Variants in POU1F1 observed in about 807,000 individuals in gnomAD.
POU1F1 encodes the protein pituitary-specific positive transcription factor 1.
POU1F1 carries 23 observed loss-of-function variants against 32.3 expected under a neutral mutation model. The ratio of observed to expected loss-of-function variants is 0.71; its 90% CI spans 0.51 to 1.01. POU1F1 has a LOEUF of 1.01. Ranked by LOEUF, POU1F1 falls within the 50% of genes least tolerant of loss-of-function variation. The pLI, the probability that POU1F1 is intolerant of heterozygous loss-of-function variation, is 0.00. For missense variants in POU1F1, 323 were observed against 341.6 expected, an observed-to-expected ratio of 0.95 and a Z score of 0.43; for synonymous variants, 120 against 115.6, an observed-to-expected ratio of 1.04 and a Z score of -0.25.
intron 5 of POU1F1, 38 bp downstream of exon 5, chr3:87,261,235 C>A: frequency 7.5e-7 from 1 of 1,336,540 alleles, no homozygotes; most frequent in Non-Finnish European, 1.1e-6. Context: ...TATAAAATAC[C>A]AGTTTTGTCC....
chr3:87,264,939 C>T (rs781034746), intron 2 of POU1F1, among the ~76,000 whole-genome samples: 2 of 152,084 alleles, frequency 1.3e-5, no homozygotes, highest in Non-Finnish European at 2.9e-5. Flanking sequence ...TTGTTGTGAT[C>T]ATGGCACTAA....
Position 87,259,900 on chromosome 3 carries a change from G to A in POU1F1, c.870C>T (p.Cys290=). ...ATTATACAATAGAAAAATCTTATCT[G>A]CACTCAAGATGTTCCTTAGAAATAG... is the stretch of plus-strand genomic sequence containing the variant. The part of the protein sequence containing the change: ...LFSISKEHLE[C]R Residue 290 remains cysteine (C), a synonymous_variant, in exon 6 of 6, where the codon TGC becomes TGT. Transcript: ENST00000350375. 1 of 1,612,446 alleles carries A rather than the reference G, an allele frequency of 6.2e-7. No homozygotes were observed.
Position 87,276,450 on chromosome 3 carries a change from C to T in POU1F1, c.13G>A (p.Ala5Thr). The T allele has an allele frequency of 6.2e-7, 1 of 1,613,724 alleles. No individual in the cohort carries two copies. The highest frequency in any genetic ancestry group is 2.2e-5 in the East Asian group (1 of 44,858). The change falls in exon 1 of 6, where the codon GCT (alanine) becomes ACT (threonine). Residue 5 changes from alanine to threonine, a missense_variant. Transcript: ENST00000350375. MSCQ[A>T]FTSADTFIPL... ...ATAAAGGTATCAGCCGAAGTAAAAG[C>T]TTGGCAACTCATTCCCACAAGAGAG... is the stretch of plus-strand genomic sequence containing the variant.
rs557498037 is a variant in POU1F1, at chr3:87,267,935, G to A, written c.215-3423C>T. ...AAAATTGAAAGGTAGTTTATACATTGTAAGTACTCTGGGAAAGTGGACACG... is the reference window on the plus strand; with the variant it reads ...AAAATTGAAAGGTAGTTTATACATTATAAGTACTCTGGGAAAGTGGACACG... On this transcript the variant is annotated intron_variant, in intron 2 of 5. Transcript: ENST00000350375. Among the ~76,000 whole-genome samples the A allele has an allele frequency of 2.6e-4, 39 of 152,146 alleles. 1 individual carries two copies. Among genetic ancestry groups the A allele is most frequent in the African/African-American group, 9.4e-4 (39 of 41,522 alleles).
chr3:87,271,818 G>A (rs1038453937), intron 2 of POU1F1, among the ~76,000 whole-genome samples: 3 of 151,956 alleles, frequency 2.0e-5, no homozygotes, highest in African/African-American at 4.8e-5. Flanking sequence ...AAAAAAAGAC[G>A]TCAGGATTTA....
intron 2 of POU1F1, among the ~76,000 whole-genome samples, chr3:87,271,048 TTTA>T: frequency 6.6e-6 from 1 of 152,282 alleles, no homozygotes; most frequent in South Asian, 2.1e-4. Context: ...ACAGAATATA[TTTA>T]ATCTTAAGAC....
Position 87,259,653 on chromosome 3 carries a change from A to G in POU1F1, c.*241T>C. On this transcript the variant is annotated 3_prime_UTR_variant, in exon 6 of 6. Coordinates refer to ENST00000350375, the MANE Select transcript of POU1F1 (RefSeq NM_000306.4). The stretch of plus-strand genomic sequence containing the variant: ...GGAGAGACAGAGAGATCATTTTATT[A>G]CTGTTAATATATTTGGCTTAAAATA... 2.1e-6 allele frequency: 1 copy of G among 483,176 alleles called. No individual in the cohort carries two copies. Among genetic ancestry groups the G allele is most frequent in the East Asian group, 4.0e-5 (1 of 24,816 alleles). 29.9% of individuals were successfully genotyped at this position (483,176 alleles called of 1,614,324 possible). A position where few individuals can be genotyped will look rare whatever the true frequency, so the allele number is the denominator to read the frequency against.
chr3:87,271,642 C>T (rs1484719350), intron 2 of POU1F1, among the ~76,000 whole-genome samples: 4 of 152,116 alleles, frequency 2.6e-5, no homozygotes, highest in Admixed American at 6.6e-5. Flanking sequence ...GCAATCCACC[C>T]GCACCTCCAG....
intron 5 of POU1F1, among the ~76,000 whole-genome samples, chr3:87,260,871 TTTTTATTTATTTATTTATTTA>T (rs1229507362): frequency 2.1e-4 from 1 of 4,864 alleles, no homozygotes; most frequent in African/African-American, 7.6e-4. Context: ...TATTATTTTT[TTTTTATTTATTTATTTATTTA>T]TTTATTTATT....
rs748736507 is a variant in POU1F1, at chr3:87,276,310, G to A, written c.142+11C>T. 5 of 1,613,224 alleles carry A rather than the reference G, an allele frequency of 3.1e-6. No homozygotes were observed. The highest frequency in any genetic ancestry group is 4.2e-6 in the Non-Finnish European group (5 of 1,179,200). The stretch of plus-strand genomic sequence containing the variant: ...GCCCGGTCATATGTAAACTGTCATA[G>A]GAGTCAGTACCTGTAGACATCACAT... On this transcript the variant is annotated intron_variant, in intron 1 of 5. Transcript: ENST00000350375.
intron 2 of POU1F1, 23 bp downstream of exon 2, chr3:87,273,324 A>G: frequency 6.2e-7 from 1 of 1,601,990 alleles, no homozygotes; most frequent in Non-Finnish European, 8.5e-7. Context: ...ATTCAATAAC[A>G]TGTAAAAGAC....
At chr3:87,261,090 T>C (rs1406876274) in intron 5 of POU1F1, among the ~76,000 whole-genome samples, 183 bp downstream of exon 5, 1 of 151,902 alleles carries the variant, frequency 6.6e-6, no homozygotes, top group Non-Finnish European at 1.5e-5. Context: ...TTTGTATTTT[T>C]AGTAGAAACA....
intron 1 of POU1F1, among the ~76,000 whole-genome samples, chr3:87,273,785 G>C (rs560910751): frequency 6.6e-6 from 1 of 152,290 alleles, no homozygotes; most frequent in East Asian, 1.9e-4. Context: ...CAGAATGCTT[G>C]TTGGTTCTGT....
chr3:87,260,125 G>C (rs760887458), intron 5 of POU1F1, 21 bp from the exon 6 acceptor site: 38 of 1,602,090 alleles, frequency 2.4e-5, no homozygotes, highest in Admixed American at 1.4e-4. Context: ...GTGGACATAG[G>C]GGGTGAAATT....
At chr3:87,275,648 T>C (rs919995238) in intron 1 of POU1F1, among the ~76,000 whole-genome samples, 1 of 152,120 alleles carries the variant, frequency 6.6e-6, no homozygotes, top group Admixed American at 6.6e-5. Context: ...TGTGAATTCT[T>C]AGGTTTAATT....
intron 1 of POU1F1, 36 bp downstream of exon 1, chr3:87,276,285 G>T (rs755169487): frequency 1.2e-6 from 2 of 1,603,656 alleles, no homozygotes; most frequent in South Asian, 1.1e-5. Flanking sequence ...AAATATTTAG[G>T]CCCGGTCATA....
intron 2 of POU1F1, among the ~76,000 whole-genome samples, chr3:87,270,077 G>T (rs1706697449): frequency 6.6e-6 from 1 of 152,068 alleles, no homozygotes; most frequent in Admixed American, 6.6e-5. Flanking sequence ...ATCTAGGAGA[G>T]ACTTTGAACA....
rs759254509 is a variant in POU1F1, at chr3:87,273,493, G to A, written c.143-75C>T. On this transcript the variant is annotated intron_variant, in intron 1 of 5. Transcript: ENST00000350375. ...AGTTTGGATCAAAGACAAAATAGAT[G>A]GGACTGGTAAGAAAATGTATAAGGA... is the stretch of plus-strand genomic sequence containing the variant. 5.0e-6 allele frequency: 8 copies of A among 1,596,952 alleles called. No individual in the cohort carries two copies. The Admixed American group carries it at 7.0e-5, about 14-fold the overall frequency.
Position 87,276,454 on chromosome 3 carries a change from GCAA to G in POU1F1, c.6_8del (p.Cys3del). The G allele has an allele frequency of 1.2e-6, 2 of 1,613,660 alleles. No individual in the cohort carries two copies. The highest frequency in any genetic ancestry group is 1.7e-6 in the Non-Finnish European group (2 of 1,179,776). On this transcript the variant is annotated inframe_deletion, in exon 1 of 6. Transcript: ENST00000350375. ...AGGTATCAGCCGAAGTAAAAGCTTG[GCAA>G]CTCATTCCCACAAGAGAGTAGAAAA...
Sources: gnomAD v4.1 joint callset for allele counts (sites outside exome capture counted in the v4.1 genomes callset) on GRCh38, gnomAD v4.1.1 for gene constraint, MANE v1.5 for transcripts, NCBI Gene and HGNC (gene_info 2026-07-23, HGNC 2026-07-21) for gene names.